Variants in GLB1L observed in about 807,000 individuals in gnomAD.
The protein encoded by GLB1L is beta-galactosidase-1-like protein.
In GLB1L, 58 loss-of-function variants were observed where a neutral mutation model predicts 75.7. The ratio of observed to expected loss-of-function variants is 0.77; its 90% CI spans 0.62 to 0.95. The LOEUF (loss-of-function observed/expected upper bound fraction) is 0.95. Among genes scored for constraint, GLB1L ranks in the 40% least tolerant of loss-of-function variants. GLB1L has a pLI of 0.00. For synonymous variants in GLB1L, 296 were observed against 303.0 expected (o/e 0.98, Z 0.24); for missense variants, 797 against 805.5 (o/e 0.99, Z 0.13).
rs1159081596 is a variant in GLB1L at position 219,243,720 on chromosome 2, C to T, written c.-70-77G>A. 5 of 692,660 alleles carry T rather than the reference C, an allele frequency of 7.2e-6. No homozygotes were observed. In the East Asian group the frequency reaches 1.1e-4, roughly 15 times the overall value. The allele number at this position is 692,660 out of a possible 1,614,324, so 42.9% of individuals were successfully genotyped here. On this transcript the variant is annotated intron_variant, in intron 1 of 16. Coordinates refer to ENST00000295759, the MANE Select transcript of GLB1L (RefSeq NM_001286423.2). The stretch of plus-strand genomic sequence containing the variant: ...GGACTTCCTCTCCAGCCTGCAGCCA[C>T]CCCCTTACTCTACTAGTTTGTAAAA...
chr2:219,239,751 CCT>C, intron 8 of GLB1L, 22 bp downstream of exon 8: 1 of 1,614,194 alleles, frequency 6.2e-7, no homozygotes, highest in Non-Finnish European at 8.5e-7. Flanking sequence ...TCCCTGATTC[CCT>C]GACTCCTCTC....
chr2:219,240,303 G>A lies in GLB1L; in HGVS notation c.452-18C>T, dbSNP rs919514209. 5 of 1,596,036 alleles carry A rather than the reference G, an allele frequency of 3.1e-6. No individual in the cohort carries two copies. The highest frequency in any genetic ancestry group is 2.2e-5 in the East Asian group (1 of 44,826). ...AAGGAAGTCTAAAGGAAGGAGCAGA[G>A]CTTCTGTGTTAGGTGCTACCATCAC... is the stretch of plus-strand genomic sequence containing the variant. On this transcript the variant is annotated intron_variant, in intron 5 of 16. Coordinates refer to ENST00000295759, the MANE Select transcript of GLB1L (RefSeq NM_001286423.2).
At chr2:219,243,391 A>G (rs1177058236) in intron 2 of GLB1L, 77 bp from the exon 3 acceptor site, 5 of 1,588,400 alleles carry the variant, frequency 3.1e-6, no homozygotes, top group Non-Finnish European at 4.3e-6. Context: ...AGAGCGGAAG[A>G]GATGGAACTA....
Position 219,238,302 on chromosome 2 carries a change from A to C in GLB1L, c.1289T>G (p.Phe430Cys). The change falls in exon 14 of 17, where the codon TTC (phenylalanine) becomes TGC (cysteine). Residue 430 changes from phenylalanine to cysteine, a missense_variant. Transcript: ENST00000295759. Reference sequence around the variant, plus strand: ...ATGGACTCCATTATTTGGCACCCAGAATGGTGTTGGCTCAAAAATGGTATG... The same window carrying C: ...ATGGACTCCATTATTTGGCACCCAGCATGGTGTTGGCTCAAAAATGGTATG... ...MTHTIFEPTPFWVPNNGVHDR... is the reference protein window; with the variant it reads ...MTHTIFEPTPCWVPNNGVHDR... 6.2e-7 allele frequency: 1 copy of C among 1,613,186 alleles called. No homozygotes were observed. The highest frequency in any genetic ancestry group is 8.5e-7 in the Non-Finnish European group (1 of 1,179,420).
In GLB1L at chr2:219,237,057, T is replaced by C. The variant is rs1451797581; in HGVS notation, c.*15A>G. 6.3e-7 allele frequency: 1 copy of C among 1,588,790 alleles called. No individual in the cohort carries two copies. Among genetic ancestry groups the C allele is most frequent in the East Asian group, 2.2e-5 (1 of 44,494 alleles). ...CTGGGATTACAGGCATGAGCCACCA[T>C]GCCCGGCCTACCTTTCAGTGCCCAC... On this transcript the variant is annotated 3_prime_UTR_variant, in exon 17 of 17. Transcript: ENST00000295759.
At chr2:219,241,466 A>C in intron 5 of GLB1L, among the ~76,000 whole-genome samples, 1 of 133,490 alleles carries the variant, frequency 7.5e-6, no homozygotes, top group South Asian at 2.3e-4. Context: ...ATATATATAT[A>C]CATACATATA....
rs1951256453 is a variant in GLB1L, at chr2:219,236,875, C to T, written c.*197G>A. On this transcript the variant is annotated 3_prime_UTR_variant, in exon 17 of 17. Coordinates refer to ENST00000295759, the MANE Select transcript of GLB1L (RefSeq NM_001286423.2). Reference sequence around the variant, plus strand: ...TGCCTCCTGGATTCAAGCAATTCTCCTGCCCTCAGCCTCCCAAGTAGCTGG... The same window carrying T: ...TGCCTCCTGGATTCAAGCAATTCTCTTGCCCTCAGCCTCCCAAGTAGCTGG... 2.0e-6 allele frequency: 1 copy of T among 492,166 alleles called. No homozygotes were observed. Among genetic ancestry groups the T allele is most frequent in the African/African-American group, 1.9e-5 (1 of 51,424 alleles). The allele number at this position is 492,166 out of a possible 1,614,324, so 30.5% of individuals were successfully genotyped here. A position where few individuals can be genotyped will look rare whatever the true frequency, so the allele number is the denominator to read the frequency against.
rs1951504804 is a variant in GLB1L at position 219,245,414 on chromosome 2, C to G, written c.-256G>C. 1.3e-5 allele frequency: 2 copies of G among 152,564 alleles called. No individual in the cohort carries two copies. The highest frequency in any genetic ancestry group is 4.8e-5 in the African/African-American group (2 of 41,476). The allele number at this position is 152,564 out of a possible 1,614,324, so 9.5% of individuals were successfully genotyped here. A position where few individuals can be genotyped will look rare whatever the true frequency, so the allele number is the denominator to read the frequency against. On this transcript the variant is annotated 5_prime_UTR_variant, in exon 1 of 17. Transcript: ENST00000295759. The stretch of plus-strand genomic sequence containing the variant: ...GCCTCTCAGCTCCGCGTCCCCACAT[C>G]CTCCGGATGCCCAGCGGTTGCTGAG...
rs554872974 is a variant in GLB1L at position 219,239,204 on chromosome 2, T to A, written c.950A>T (p.Asp317Val). The change falls in exon 11 of 17, where the codon GAT becomes GTT. Residue 317 changes from aspartate (D) to valine (V), a missense_variant. Asp to Val is a radical substitution (Grantham distance 152). Coordinates refer to ENST00000295759, the MANE Select transcript of GLB1L (RefSeq NM_001286423.2). ...GTNFGYWNGA[D>V]KKGRFLPITT... ...AATCGGAAGGAAGCGTCCCTTCTTA[T>A]CGGCACCTGAAGTTGAGCCAATTTA... 8.1e-6 allele frequency: 13 copies of A among 1,610,396 alleles called. No individual in the cohort carries two copies. In the South Asian group the frequency reaches 1.4e-4, roughly 18 times the overall value.
Position 219,236,668 on chromosome 2 carries a change from C to T in GLB1L, c.*404G>A, listed in dbSNP as rs1468685733. On this transcript the variant is annotated 3_prime_UTR_variant, in exon 17 of 17. Coordinates refer to ENST00000295759, the MANE Select transcript of GLB1L (RefSeq NM_001286423.2). ...GGCAAGGAATGTGTACTTGTACTTA[C>T]ATTCAGAGGCACTGTGGCCTTTAGT... 5.3e-6 allele frequency: 3 copies of T among 562,466 alleles called. No homozygotes were observed. The highest frequency in any genetic ancestry group is 8.8e-6 in the Non-Finnish European group (3 of 342,644). 34.8% of individuals were successfully genotyped at this position (562,466 alleles called of 1,614,324 possible).
rs749682988 is a variant in GLB1L, at chr2:219,240,097, G to C, written c.547-3C>G. The C allele has an allele frequency of 1.0e-4, 169 of 1,614,034 alleles. 1 individual carries two copies. The Admixed American group carries it at 2.8e-3, about 27-fold the overall frequency. ...TAGCTACCATATTCATTCTCCACCT[G>C]CCAGAGGGGAGGGAAAGTGGAACCC... On this transcript the variant is annotated splice_region_variant and splice_polypyrimidine_tract_variant and intron_variant, in intron 6 of 16. Transcript: ENST00000295759.
chr2:219,241,686 T>G (rs1230512811), intron 5 of GLB1L, among the ~76,000 whole-genome samples: 1 of 151,574 alleles, frequency 6.6e-6, no homozygotes, highest in African/African-American at 2.4e-5. Context: ...CTGGGGCCAA[T>G]TGTGTAGGAC....
At chr2:219,241,426 G>A (rs1312947519) in intron 5 of GLB1L, among the ~76,000 whole-genome samples, 1 of 96,288 alleles carries the variant, frequency 1.0e-5, no homozygotes, top group African/African-American at 3.6e-5. Context: ...GTGTGTGTGT[G>A]TGTGTGTGTG....
rs758221707 is a variant in GLB1L, at chr2:219,238,492, T to C, written c.1227+3A>G. 6 of 1,613,356 alleles carry C rather than the reference T, an allele frequency of 3.7e-6. No individual in the cohort carries two copies. The African/African-American group carries it at 8.0e-5, about 22-fold the overall frequency. On this transcript the variant is annotated splice_donor_region_variant and intron_variant, in intron 13 of 16. Coordinates refer to ENST00000295759, the MANE Select transcript of GLB1L (RefSeq NM_001286423.2). ...CTCCACCAGATGTGGGTTTATGCCT[T>C]ACCTGCTTGACAGCCTCAAAGGTCA...
intron 5 of GLB1L, 68 bp downstream of exon 5, chr2:219,242,446 T>A: frequency 8.8e-7 from 1 of 1,138,658 alleles, no homozygotes; most frequent in Middle Eastern, 1.9e-4. Flanking sequence ...TGGTCTCTTC[T>A]GCTTTTGGCA....
Position 219,243,644 on chromosome 2 carries a change from C to T in GLB1L, c.-70-1G>A. On this transcript the variant is annotated splice_acceptor_variant, in intron 1 of 16. Transcript: ENST00000295759. LOFTEE classifies it low-confidence loss of function (5UTR_SPLICE). The stretch of plus-strand genomic sequence containing the variant: ...ACGTGTCGGATTCCTGGGAGGGAAC[C>T]TCAGCGAGCAAGGGGGCGGAAACCA... 2 of 1,530,096 alleles carry T rather than the reference C, an allele frequency of 1.3e-6. No homozygotes were observed. Among genetic ancestry groups the T allele is most frequent in the Non-Finnish European group, 9.0e-7 (1 of 1,105,964 alleles). The allele number at this position is 1,530,096 out of a possible 1,614,324, so 94.8% of individuals were successfully genotyped here.
At chr2:219,238,165 A>G (rs1951298004) in intron 14 of GLB1L, 85 bp downstream of exon 14, 1 of 1,112,758 alleles carries the variant, frequency 9.0e-7, no homozygotes, top group Non-Finnish European at 1.3e-6. Flanking sequence ...GGCAGGTGGG[A>G]AAGTGTAAAT....
Position 219,236,692 on chromosome 2 carries a change from G to T in GLB1L, c.*380C>A, listed in dbSNP as rs1184198708. On this transcript the variant is annotated 3_prime_UTR_variant, in exon 17 of 17. Transcript: ENST00000295759. ...ACATTCAGAGGCACTGTGGCCTTTA[G>T]TTCCTTAGGGTCACCGTGGCCAGCA... The T allele has an allele frequency of 4.2e-6, 2 of 474,042 alleles. No individual in the cohort carries two copies. Among genetic ancestry groups the T allele is most frequent in the Non-Finnish European group, 7.2e-6 (2 of 276,170 alleles). 29.4% of individuals were successfully genotyped at this position (474,042 alleles called of 1,614,324 possible).
At chr2:219,244,173 G>A (rs1210214975) in intron 1 of GLB1L, among the ~76,000 whole-genome samples, 1 of 152,124 alleles carries the variant, frequency 6.6e-6, no homozygotes, top group Non-Finnish European at 1.5e-5. Flanking sequence ...CAAAAGAAAT[G>A]TAAAATCTCA....
Sources: gnomAD v4.1 joint callset for allele counts (sites outside exome capture counted in the v4.1 genomes callset) on GRCh38, gnomAD v4.1.1 for gene constraint, MANE v1.5 for transcripts, NCBI Gene and HGNC (gene_info 2026-07-23, HGNC 2026-07-21) for gene names.